The following HGS variants were observed in gnomAD, a reference collection of about 807,000 sequenced individuals.
The protein encoded by HGS is hepatocyte growth factor-regulated tyrosine kinase substrate, also known as human growth factor-regulated tyrosine kinase substrate.
Under a neutral mutation model 109.7 loss-of-function variants are expected in HGS, and 63 were observed. The ratio of observed to expected loss-of-function variants is 0.57; its 90% CI spans 0.47 to 0.71. The LOEUF (loss-of-function observed/expected upper bound fraction) is 0.71, where lower values mean the gene tolerates loss of function less well. HGS is among the 30% of genes least tolerant of loss of function. The probability of loss-of-function intolerance (pLI) is 0.00; values close to 1 mark genes in which losing one functional copy is unlikely to be tolerated. For synonymous variants in HGS, 546 were observed against 437.3 expected, an observed-to-expected ratio of 1.25 and a Z score of -3.10; for missense variants, 995 against 1,068.3, an observed-to-expected ratio of 0.93 and a Z score of 0.96.
In HGS at chr17:81,684,065, C is replaced by T. The variant is rs1421935584; in HGVS notation, c.-2C>T. ...GGCGTCGGGTTTGGGCTGGAGGTCG[C>T]CATGGGGCGAGGCAGCGGCACCTTC... On this transcript the variant is annotated 5_prime_UTR_variant, in exon 1 of 22. Transcript: ENST00000329138. The T allele has an allele frequency of 1.3e-6, 2 of 1,594,130 alleles. No homozygotes were observed. The highest frequency in any genetic ancestry group is 8.5e-7 in the Non-Finnish European group (1 of 1,172,758).
In HGS at chr17:81,695,017, C is replaced by T; in HGVS notation, c.1069C>T (p.Pro357Ser). ...ATCTGCGCCCGTGCCCCTGACGGAG[C>T]CGGCTGCACAGCCTGGGGAAGGGCA... ...TPSAPVPLTE[P>S]AAQPGEGHAA... The change falls in exon 13 of 22, where the codon CCG becomes TCG. Residue 357 changes from proline to serine, a missense_variant. Coordinates refer to ENST00000329138, the MANE Select transcript of HGS (RefSeq NM_004712.5). 6.2e-7 allele frequency: 1 copy of T among 1,614,032 alleles called. No homozygotes were observed. Among genetic ancestry groups the T allele is most frequent in the South Asian group, 1.1e-5 (1 of 91,084 alleles).
intron 20 of HGS, 100 bp downstream of exon 20, chr17:81,700,914 C>A (rs113174806): frequency 1.9e-6 from 3 of 1,540,396 alleles, no homozygotes; most frequent in Non-Finnish European, 2.7e-6. Flanking sequence ...GTGGGCTCCA[C>A]CCCTTCTGCT....
intron 18 of HGS, among the ~76,000 whole-genome samples, chr17:81,699,424 G>T (rs1598750995): frequency 1.3e-5 from 2 of 152,190 alleles, no homozygotes; most frequent in Non-Finnish European, 2.9e-5. Context: ...TCCCATCCTT[G>T]TTGGTTTATC....
intron 5 of HGS, among the ~76,000 whole-genome samples, chr17:81,689,936 T>C (rs1482748348): frequency 6.6e-6 from 1 of 152,094 alleles, no homozygotes; most frequent in Non-Finnish European, 1.5e-5. Flanking sequence ...CATGCCCTGA[T>C]GGAGTGGGAG....
rs2037065869 is a variant in HGS, at chr17:81,691,723, G to A, written c.662+152G>A. The A allele has an allele frequency of 5.2e-6, 5 of 970,076 alleles. No homozygotes were observed. The highest frequency in any genetic ancestry group is 6.1e-6 in the Non-Finnish European group (4 of 650,740). The allele number at this position is 970,076 out of a possible 1,614,324, so 60.1% of individuals were successfully genotyped here. A position where few individuals can be genotyped will look rare whatever the true frequency, so the allele number is the denominator to read the frequency against. ...AGGTCAAGGGAAACCCAGGGTGGCC[G>A]CATGCCCTCGGACCCTGCCCCACAC... On this transcript the variant is annotated intron_variant, in intron 8 of 21. Transcript: ENST00000329138. The surrounding 1 kb of genome is among the most constrained non-coding windows in gnomAD (Gnocchi z 5.3).
chr17:81,693,479 C>G, intron 8 of HGS, 24 bp from the exon 9 acceptor site: 1 of 1,597,936 alleles, frequency 6.3e-7, no homozygotes, highest in South Asian at 1.1e-5. Context: ...GCATGGTGAC[C>G]TGCAGCATTC....
At chr17:81,685,953 CG>C (rs1403791810) in intron 2 of HGS, among the ~76,000 whole-genome samples, 1 of 151,722 alleles carries the variant, frequency 6.6e-6, no homozygotes, top group Non-Finnish European at 1.5e-5. Context: ...TTTTTTAAGA[CG>C]GGGCCTTGCT....
chr17:81,695,351 A>AGCCCTGGCCT, intron 14 of HGS, 128 bp downstream of exon 14: 4 of 995,834 alleles, frequency 4.0e-6, no homozygotes, highest in Non-Finnish European at 6.1e-6. Flanking sequence ...GCCCCAGCCC[A>AGCCCTGGCCT]GCCCTGGCCT....
At chr17:81,694,621 C>T (rs933978384) in intron 11 of HGS, among the ~76,000 whole-genome samples, 194 bp from the exon 12 acceptor site, 26 of 152,196 alleles carry the variant, frequency 1.7e-4, no homozygotes, top group African/African-American at 6.3e-4. Flanking sequence ...GTGCTGTCAG[C>T]CTCTGTGGAG....
Position 81,696,389 on chromosome 17 carries a change from C to G in HGS, c.1426C>G (p.Gln476Glu), listed in dbSNP as rs2037148512. ...YYEGLQDKLA[Q>E]IRDARGALSA... ...TGAGGGGCTGCAGGACAAGCTGGCA[C>G]AGATCCGCGATGCCCGGGGGGCGCT... The change falls in exon 16 of 22, where the codon CAG becomes GAG. Residue 476 changes from glutamine to glutamate, a missense_variant. Gln to Glu is a conservative substitution (Grantham distance 29). Around this residue, in one of 6 missense-constraint regions of HGS, gnomAD observed 163 missense variants for 217.8 expected, o/e 0.75. Coordinates refer to ENST00000329138, the MANE Select transcript of HGS (RefSeq NM_004712.5). The G allele has an allele frequency of 1.9e-6, 3 of 1,589,194 alleles. No homozygotes were observed. Among genetic ancestry groups the G allele is most frequent in the Non-Finnish European group, 2.6e-6 (3 of 1,170,266 alleles).
Position 81,684,031 on chromosome 17 carries a change from A to T in HGS, c.-36A>T, listed in dbSNP as rs1469386159. The T allele has an allele frequency of 3.2e-5, 50 of 1,577,786 alleles. No homozygotes were observed. The highest frequency in any genetic ancestry group is 4.1e-5 in the Non-Finnish European group (48 of 1,165,746). ...GGGGCGCGCCAGCTCGTAGCAGGGGAGCGCCCGCGGCGTCGGGTTTGGGCT... is the reference window on the plus strand; with the variant it reads ...GGGGCGCGCCAGCTCGTAGCAGGGGTGCGCCCGCGGCGTCGGGTTTGGGCT... On this transcript the variant is annotated 5_prime_UTR_variant, in exon 1 of 22. Transcript: ENST00000329138.
intron 4 of HGS, 94 bp from the exon 5 acceptor site, chr17:81,688,610 C>T: frequency 1.3e-6 from 2 of 1,506,682 alleles, no homozygotes; most frequent in Non-Finnish European, 1.8e-6. Flanking sequence ...GCCCCATCTG[C>T]TCAGAGGCTG....
At chr17:81,688,177 G>A (rs768120572) in intron 4 of HGS, among the ~76,000 whole-genome samples, 1 of 151,618 alleles carries the variant, frequency 6.6e-6, no homozygotes, top group Non-Finnish European at 1.5e-5. Flanking sequence ...TCCCCGAGAG[G>A]GCCGTAGACG....
At chr17:81,690,027 A>G (rs1011100394) in intron 5 of HGS, among the ~76,000 whole-genome samples, 155 bp from the exon 6 acceptor site, 14 of 152,052 alleles carry the variant, frequency 9.2e-5, no homozygotes, top group African/African-American at 3.1e-4. Flanking sequence ...GGGACACCCA[A>G]TCTTGGGGGC....
chr17:81,693,119 A>C, intron 8 of HGS: 6 of 212,194 alleles, frequency 2.8e-5, no homozygotes, highest in Non-Finnish European at 3.7e-5. Flanking sequence ...GCGCCCCGGA[A>C]GAGCTTACTG....
intron 15 of HGS, 144 bp downstream of exon 15, chr17:81,696,143 A>T: frequency 1.1e-6 from 1 of 912,624 alleles, no homozygotes; most frequent in Non-Finnish European, 1.6e-6. Context: ...TGTCAACAGG[A>T]GGTGGTCTCA....
At chr17:81,697,583 G>A (rs2037174394) in intron 18 of HGS, 1 of 149,336 alleles carries the variant, frequency 6.7e-6, no homozygotes, top group African/African-American at 2.5e-5. Flanking sequence ...GGGTCTGCCA[G>A]GGGTTTTCAC....
At chr17:81,685,736 C>G in intron 2 of HGS, 47 bp downstream of exon 2, 1 of 1,488,704 alleles carries the variant, frequency 6.7e-7, no homozygotes, top group South Asian at 1.2e-5. Context: ...CAGCCGTGCA[C>G]TAAGCTGGGC....
At position 81,685,424 on chromosome 17, in the gene HGS, C is replaced by T. The variant is rs147742956; in HGVS notation, c.38-181C>T. Reference sequence around the variant, plus strand: ...TGCTCTTACGCTGTTTGCTGCTTCCCTGGGGAGGATGGCACTTCCCTGCCC... The same window carrying T: ...TGCTCTTACGCTGTTTGCTGCTTCCTTGGGGAGGATGGCACTTCCCTGCCC... On this transcript the variant is annotated intron_variant, in intron 1 of 21. Coordinates refer to ENST00000329138, the MANE Select transcript of HGS (RefSeq NM_004712.5). 3.9e-5 allele frequency among the ~76,000 whole-genome samples: 6 copies of T among 152,316 alleles called. No homozygotes were observed. In the East Asian group the frequency reaches 5.8e-4, roughly 15 times the overall value.
Sources: allele counts gnomAD v4.1 joint callset (sites outside exome capture counted in the v4.1 genomes callset), GRCh38; gene constraint gnomAD v4.1.1; regional missense constraint gnomAD v4.1.1; non-coding constraint Gnocchi (gnomAD v3.1); transcripts MANE v1.5; gene names NCBI Gene and HGNC (gene_info 2026-07-23, HGNC 2026-07-21).